HSD17B12: variants seen among roughly 807,000 people sequenced by gnomAD.
HSD17B12 encodes the protein very-long-chain 3-oxoacyl-CoA reductase.
HSD17B12 carries 32 observed loss-of-function variants against 39.3 expected under a neutral mutation model. The ratio of observed to expected loss-of-function variants is 0.81; its 90% CI spans 0.61 to 1.09. The LOEUF (loss-of-function observed/expected upper bound fraction) is 1.09, where lower values mean the gene tolerates loss of function less well. Ranked by LOEUF, HSD17B12 falls within the 50% of genes least tolerant of loss-of-function variation. The probability of loss-of-function intolerance (pLI) is 0.00; values close to 1 mark genes in which losing one functional copy is unlikely to be tolerated. For missense variants in HSD17B12, 342 were observed against 382.9 expected (o/e 0.89, Z 0.89); for synonymous variants, 150 against 146.7 (o/e 1.02, Z -0.16).
the HSD17B12 span, among the ~76,000 whole-genome samples, chr11:43,568,900 G>C: frequency 6.6e-6 from 1 of 152,118 alleles, no homozygotes; most frequent in Non-Finnish European, 1.5e-5. Context: ...CCTTGATATT[G>C]AGTCATTTGG....
intron 3 of HSD17B12, among the ~76,000 whole-genome samples, chr11:43,778,212 T>C (rs1386042377): frequency 2.6e-5 from 4 of 152,172 alleles, no homozygotes; most frequent in Admixed American, 1.3e-4. Flanking sequence ...AACACCTCTA[T>C]GCAAATAAAC....
chr11:43,777,536 A>G (rs1297477125), intron 3 of HSD17B12, among the ~76,000 whole-genome samples: 2 of 152,138 alleles, frequency 1.3e-5, no homozygotes, highest in African/African-American at 2.4e-5. Context: ...TAGATATACA[A>G]TCATGTTGTC....
the HSD17B12 span, chr11:43,579,394 G>T: frequency 6.6e-6 from 1 of 152,336 alleles, no homozygotes; most frequent in Non-Finnish European, 1.5e-5. Context: ...CCGCTTTGCC[G>T]CCGGGCAAAC....
intron 1 of HSD17B12, among the ~76,000 whole-genome samples, chr11:43,702,325 T>C (rs903245452): frequency 5.5e-4 from 83 of 152,194 alleles, no homozygotes; most frequent in African/African-American, 2.0e-3. Flanking sequence ...ATTATATCTT[T>C]CTCTAATCCA....
At chr11:43,592,284 A>C in the HSD17B12 span, among the ~76,000 whole-genome samples, 1 of 152,042 alleles carries the variant, frequency 6.6e-6, no homozygotes, top group South Asian at 2.1e-4. Flanking sequence ...GCTTTTTGGC[A>C]AAATTTTGTG....
chr11:43,745,865 G>C (rs911280422), intron 1 of HSD17B12, among the ~76,000 whole-genome samples: 1 of 151,924 alleles, frequency 6.6e-6, no homozygotes, highest in Non-Finnish European at 1.5e-5. Context: ...GAAAAAAAAA[G>C]GTTGGTCAGG....
intron 6 of HSD17B12, among the ~76,000 whole-genome samples, chr11:43,826,689 T>C (rs1014004539): frequency 1.3e-5 from 2 of 152,098 alleles, no homozygotes; most frequent in African/African-American, 4.8e-5. Flanking sequence ...CTTAGAAACT[T>C]TGTCTAATTA....
At chr11:43,733,587 T>A (rs1238856614) in intron 1 of HSD17B12, among the ~76,000 whole-genome samples, 1 of 152,246 alleles carries the variant, frequency 6.6e-6, no homozygotes, top group Non-Finnish European at 1.5e-5. Flanking sequence ...ATAGTTTTAC[T>A]TCCCAAATTC....
chr11:43,641,027 T>C, the HSD17B12 span: 1 of 151,924 alleles, frequency 6.6e-6, no homozygotes, highest in East Asian at 1.9e-4. Flanking sequence ...GAAACTTTTC[T>C]TCTTTAGGTA....
chr11:43,581,007 C>T, the HSD17B12 span, among the ~76,000 whole-genome samples: 2 of 151,992 alleles, frequency 1.3e-5, no homozygotes, highest in Admixed American at 1.3e-4. This position sits in a 1 kb window ranked among gnomAD's most constrained non-coding sequence, Gnocchi z 4.9. Context: ...GGGGGGAATC[C>T]GAACTGTACC....
intron 3 of HSD17B12, chr11:43,755,439 T>C (rs1950499879): frequency 6.6e-6 from 1 of 152,250 alleles, no homozygotes; most frequent in South Asian, 2.1e-4. Flanking sequence ...GCAGATCCAA[T>C]CTCAAAGACA....
intron 8 of HSD17B12, among the ~76,000 whole-genome samples, 193 bp downstream of exon 8, chr11:43,838,591 A>G (rs1435009765): frequency 6.6e-6 from 1 of 152,080 alleles, no homozygotes; most frequent in Non-Finnish European, 1.5e-5. Flanking sequence ...CTTACAATAA[A>G]CTTAATGTAA....
chr11:43,579,328 C>G, the HSD17B12 span: 3 of 152,322 alleles, frequency 2.0e-5, no homozygotes, highest in African/African-American at 7.2e-5. Context: ...GCCGCAATTA[C>G]CAAGATCGTG....
At chr11:43,561,987 C>T in the HSD17B12 span, among the ~76,000 whole-genome samples, 1 of 152,128 alleles carries the variant, frequency 6.6e-6, no homozygotes, top group Admixed American at 6.5e-5. Context: ...GGCATCAAAC[C>T]ACATAGGTTC....
chr11:43,791,540 A>C (rs1263020822), intron 3 of HSD17B12, among the ~76,000 whole-genome samples: 1 of 152,034 alleles, frequency 6.6e-6, no homozygotes, highest in East Asian at 1.9e-4. Context: ...TCAAAAAAAA[A>C]AAAGAAGAAG....
intron 7 of HSD17B12, among the ~76,000 whole-genome samples, chr11:43,837,489 T>C (rs373925644): frequency 1.3e-5 from 2 of 152,148 alleles, no homozygotes; most frequent in Admixed American, 6.6e-5. Flanking sequence ...TATACATACT[T>C]TTTAACAACT....
At chr11:43,629,204 C>T in the HSD17B12 span, among the ~76,000 whole-genome samples, 71 of 152,236 alleles carry the variant, frequency 4.7e-4, no homozygotes, top group African/African-American at 1.3e-3. Context: ...GGAATATAAA[C>T]GGGTCTAGTT....
intron 4 of HSD17B12, among the ~76,000 whole-genome samples, chr11:43,802,377 A>T (rs1409415094): frequency 1.3e-5 from 2 of 152,322 alleles, no homozygotes; most frequent in East Asian, 3.9e-4. Flanking sequence ...AAAAAAATTT[A>T]AAAATATTTT....
intron 1 of HSD17B12, among the ~76,000 whole-genome samples, chr11:43,685,546 A>G (rs111754889): frequency 9.8e-5 from 15 of 152,342 alleles, no homozygotes; most frequent in African/African-American, 3.6e-4. Flanking sequence ...TGTGCCAGGA[A>G]CTTGAGATTA....
Sources: allele counts gnomAD v4.1 joint callset (sites outside exome capture counted in the v4.1 genomes callset), GRCh38; gene constraint gnomAD v4.1.1; non-coding constraint Gnocchi (gnomAD v3.1); transcripts MANE v1.5; gene names NCBI Gene and HGNC (gene_info 2026-07-23, HGNC 2026-07-21).